The following GBE1 variants were observed in gnomAD, a reference collection of about 807,000 sequenced individuals.
GBE1 encodes 1,4-alpha-glucan branching enzyme 1.
In GBE1, 70 loss-of-function variants were observed where a neutral mutation model predicts 88.8. The ratio of observed to expected loss-of-function variants is 0.79; its 90% CI spans 0.65 to 0.96. GBE1 has a LOEUF of 0.96. Among genes scored for constraint, GBE1 ranks in the 40% least tolerant of loss-of-function variants. GBE1 has a pLI of 0.00. For missense variants in GBE1, 872 were observed against 871.0 expected, an observed-to-expected ratio of 1.00 and a Z score of -0.01; for synonymous variants, 284 against 300.1, an observed-to-expected ratio of 0.95 and a Z score of 0.56.
At chr3:81,728,041 T>C (rs1423440203) in intron 1 of GBE1, among the ~76,000 whole-genome samples, 1 of 152,110 alleles carries the variant, frequency 6.6e-6, no homozygotes, top group African/African-American at 2.4e-5. Flanking sequence ...CAATAAAAAT[T>C]GGTTGCCTGG....
intron 12 of GBE1, among the ~76,000 whole-genome samples, chr3:81,547,095 T>C (rs62265418): frequency 0.25 from 37,388 of 151,020 alleles, 5,586 homozygotes; most frequent in East Asian, 0.41. Flanking sequence ...CATGTACCAA[T>C]TGGCGAACTT....
At chr3:81,566,795 G>T (rs1435021652) in intron 12 of GBE1, among the ~76,000 whole-genome samples, 2 of 151,984 alleles carry the variant, frequency 1.3e-5, no homozygotes. Flanking sequence ...TTTCTGGGGG[G>T]AAGGAGGACT....
chr3:81,613,894 A>G (rs1203297237), intron 7 of GBE1, among the ~76,000 whole-genome samples: 4 of 151,872 alleles, frequency 2.6e-5, no homozygotes, highest in African/African-American at 9.7e-5. Flanking sequence ...AAAGTGTACA[A>G]GCTTTGTTAC....
intron 12 of GBE1, among the ~76,000 whole-genome samples, chr3:81,550,810 C>G (rs546047156): frequency 1.8e-4 from 27 of 152,302 alleles, no homozygotes; most frequent in African/African-American, 6.5e-4. Context: ...TATGAATAAT[C>G]CACCCCTTGT....
At chr3:81,737,310 TTTATATATA>T in intron 1 of GBE1, among the ~76,000 whole-genome samples, 1 of 116,642 alleles carries the variant, frequency 8.6e-6, no homozygotes, top group Non-Finnish European at 1.6e-5. Flanking sequence ...TAAATATATA[TTTATATATA>T]TTTATATATA....
At chr3:81,719,465 C>A (rs1378758602) in intron 1 of GBE1, among the ~76,000 whole-genome samples, 1 of 152,162 alleles carries the variant, frequency 6.6e-6, no homozygotes, top group East Asian at 1.9e-4. Flanking sequence ...GATTCACCTG[C>A]CTCAGCCTCC....
intron 3 of GBE1, among the ~76,000 whole-genome samples, chr3:81,661,501 C>T (rs1705031216): frequency 6.6e-6 from 1 of 152,192 alleles, no homozygotes; most frequent in Non-Finnish European, 1.5e-5. Flanking sequence ...GATTTGTATA[C>T]TCCGACGTGC....
intron 7 of GBE1, among the ~76,000 whole-genome samples, chr3:81,626,948 T>C (rs934435368): frequency 5.3e-5 from 8 of 152,158 alleles, no homozygotes; most frequent in African/African-American, 1.9e-4. Flanking sequence ...TGAACACCTT[T>C]CATGTATCAC....
At chr3:81,568,197 G>A (rs186433630) in intron 12 of GBE1, among the ~76,000 whole-genome samples, 4 of 152,178 alleles carry the variant, frequency 2.6e-5, no homozygotes, top group African/African-American at 7.2e-5. Flanking sequence ...ACCCAGGCTG[G>A]AGTGCAGTGG....
intron 14 of GBE1, among the ~76,000 whole-genome samples, chr3:81,532,368 T>G (rs1047252624): frequency 6.6e-6 from 1 of 152,006 alleles, no homozygotes; most frequent in African/African-American, 2.4e-5. Context: ...TCAGGAATAA[T>G]ACCACCAGCA....
chr3:81,570,901 A>G (rs1703565098), intron 12 of GBE1, among the ~76,000 whole-genome samples: 1 of 152,220 alleles, frequency 6.6e-6, no homozygotes, highest in Admixed American at 6.5e-5. Flanking sequence ...GCTGGCAAGT[A>G]GAAAAATAAC....
chr3:81,735,010 T>C (rs1380632728), intron 1 of GBE1, among the ~76,000 whole-genome samples: 1 of 152,182 alleles, frequency 6.6e-6, no homozygotes, highest in Non-Finnish European at 1.5e-5. Context: ...ATCTACACTG[T>C]CTATTTTACC....
chr3:81,759,834 G>A (rs1027995335), intron 1 of GBE1, among the ~76,000 whole-genome samples: 3 of 151,714 alleles, frequency 2.0e-5, no homozygotes, highest in African/African-American at 7.3e-5. Flanking sequence ...ATGTTAATCT[G>A]TTTGTGTCAT....
intron 2 of GBE1, among the ~76,000 whole-genome samples, chr3:81,693,580 C>A (rs1316119725): frequency 1.3e-5 from 2 of 152,092 alleles, no homozygotes; most frequent in African/African-American, 4.8e-5. Flanking sequence ...ATTTCCAAGA[C>A]TTACTTAACA....
At chr3:81,692,306 C>T (rs1004750410) in intron 2 of GBE1, among the ~76,000 whole-genome samples, 2 of 152,124 alleles carry the variant, frequency 1.3e-5, no homozygotes, top group African/African-American at 4.8e-5. Context: ...GGGAAGTTTG[C>T]AATTTGGCCA....
At chr3:81,626,737 TA>T (rs58831741) in intron 7 of GBE1, among the ~76,000 whole-genome samples, 37,621 of 141,374 alleles carry the variant, frequency 0.27, 5,100 homozygotes, top group East Asian at 0.42. Context: ...TCAGACTCAT[TA>T]AAAAAAAAAA....
At chr3:81,661,493 T>C (rs1705030971) in intron 3 of GBE1, among the ~76,000 whole-genome samples, 1 of 152,258 alleles carries the variant, frequency 6.6e-6, no homozygotes, top group Non-Finnish European at 1.5e-5. Context: ...TTGAGATTGA[T>C]TTGTATACTC....
intron 14 of GBE1, among the ~76,000 whole-genome samples, chr3:81,512,942 A>G (rs937476735): frequency 9.9e-5 from 15 of 151,860 alleles, no homozygotes; most frequent in African/African-American, 3.6e-4. Context: ...AAGCTTATAT[A>G]TATCTTAACC....
intron 8 of GBE1, among the ~76,000 whole-genome samples, 151 bp from the exon 9 acceptor site, chr3:81,591,315 AGTACTACAT>A (rs2106952749): frequency 6.6e-6 from 1 of 152,326 alleles, no homozygotes; most frequent in Admixed American, 6.5e-5. Flanking sequence ...GACTTAGAAA[AGTACTACAT>A]GTCAACATTC....
Sources: gnomAD v4.1 joint callset for allele counts (sites outside exome capture counted in the v4.1 genomes callset) on GRCh38, gnomAD v4.1.1 for gene constraint, MANE v1.5 for transcripts, NCBI Gene and HGNC (gene_info 2026-07-23, HGNC 2026-07-21) for gene names.